The following SNX29 variants were observed in gnomAD, a reference collection of about 807,000 sequenced individuals.
SNX29 encodes sorting nexin-29.
A neutral mutation model predicts 102.1 loss-of-function variants in SNX29; 78 were observed. The observed-to-expected ratio is 0.76, with a 90% CI of 0.64 to 0.92. The LOEUF is 0.92. Among genes scored for constraint, SNX29 ranks in the 40% least tolerant of loss-of-function variants. The pLI is 0.00. For synonymous variants in SNX29, 580 were observed against 414.5 expected, an observed-to-expected ratio of 1.40 and a Z score of -4.85; for missense variants, 1,280 against 1,061.7, an observed-to-expected ratio of 1.21 and a Z score of -2.86.
Position 12,098,452 on chromosome 16 carries a change from C to T in SNX29, c.1402+19537C>T, listed in dbSNP as rs2052861730. ...GGGGTTGGGCATACTGGAGCTCCCA[C>T]TTGCAGTGGCCACCGCGTGCCCTTT... On this transcript the variant is annotated intron_variant, in intron 11 of 20. Transcript: ENST00000566228. This position sits in a 1 kb window ranked among gnomAD's most constrained non-coding sequence, Gnocchi z 6.0. Among the ~76,000 whole-genome samples, 1 of 152,212 alleles carries T rather than the reference C, an allele frequency of 6.6e-6. No individual in the cohort carries two copies. Among genetic ancestry groups the T allele is most frequent in the African/African-American group, 2.4e-5 (1 of 41,456 alleles).
chr16:12,178,825 T>A (rs1345236587), intron 13 of SNX29, among the ~76,000 whole-genome samples: 2 of 152,242 alleles, frequency 1.3e-5, no homozygotes, highest in African/African-American at 4.8e-5. Context: ...TTTGACTAGA[T>A]GACACATGGG....
chr16:12,423,129 A>G (rs1038714459), intron 18 of SNX29, among the ~76,000 whole-genome samples: 13 of 152,132 alleles, frequency 8.5e-5, no homozygotes, highest in Non-Finnish European at 1.2e-4. Context: ...GCACAATGCA[A>G]GTTCCAAAGA....
At chr16:12,108,808 T>C (rs537776618) in intron 11 of SNX29, among the ~76,000 whole-genome samples, 1 of 151,908 alleles carries the variant, frequency 6.6e-6, no homozygotes, top group South Asian at 2.1e-4. Context: ...CTGTTGCTTA[T>C]AACAGAGTAC....
intron 15 of SNX29, among the ~76,000 whole-genome samples, chr16:12,306,741 T>C (rs745739853): frequency 3.3e-5 from 5 of 152,364 alleles, no homozygotes; most frequent in African/African-American, 7.2e-5. Flanking sequence ...CCCAGCACTT[T>C]AGAAATTCTT....
At chr16:12,014,680 C>T (rs747139252) in intron 3 of SNX29, among the ~76,000 whole-genome samples, 22 of 143,544 alleles carry the variant, frequency 1.5e-4, no homozygotes, top group Non-Finnish European at 2.8e-4. Flanking sequence ...TGTGGTGAGC[C>T]GAGATCATGC....
At chr16:12,265,463 GAGCAGATT>G (rs2078899444) in intron 14 of SNX29, among the ~76,000 whole-genome samples, 1 of 152,096 alleles carries the variant, frequency 6.6e-6, no homozygotes, top group Admixed American at 6.5e-5. Flanking sequence ...CGAAACAGGT[GAGCAGATT>G]TCTTAGGAAA....
intron 15 of SNX29, among the ~76,000 whole-genome samples, chr16:12,319,204 T>C (rs2080849637): frequency 6.6e-6 from 1 of 152,194 alleles, no homozygotes; most frequent in South Asian, 2.1e-4. Flanking sequence ...AACCACTCAG[T>C]CAGTGCTGAC....
intron 15 of SNX29, among the ~76,000 whole-genome samples, chr16:12,304,541 T>A (rs1317175614): frequency 6.6e-6 from 1 of 152,244 alleles, no homozygotes; most frequent in Non-Finnish European, 1.5e-5. Context: ...TTTGTCCTTT[T>A]CTGGCCAGGG....
intron 20 of SNX29, chr16:12,546,496 G>C (rs754748267): frequency 2.0e-5 from 3 of 152,172 alleles, no homozygotes; most frequent in African/African-American, 2.4e-5. Flanking sequence ...GCACAGGAAA[G>C]ACTCGCCCCT....
intron 20 of SNX29, among the ~76,000 whole-genome samples, chr16:12,556,078 GAATT>G (rs1428054438): frequency 1.3e-4 from 20 of 152,076 alleles, no homozygotes; most frequent in African/African-American, 3.4e-4. Context: ...TAATCTTATA[GAATT>G]AATTTCTGCT....
At chr16:11,980,733 A>G (rs62037672) in intron 1 of SNX29, among the ~76,000 whole-genome samples, 11,654 of 152,152 alleles carry the variant, frequency 0.077, 563 homozygotes, top group Middle Eastern at 0.14. Flanking sequence ...TTTGATTTGC[A>G]TTTCCCTAGT....
intron 18 of SNX29, among the ~76,000 whole-genome samples, chr16:12,464,977 G>A (rs932620646): frequency 1.5e-4 from 23 of 152,260 alleles, no homozygotes; most frequent in Admixed American, 1.3e-3. Flanking sequence ...TTGTGGTTCC[G>A]ATTTACACTT....
rs2079174907 is a variant in SNX29, at chr16:12,570,950, C to CCAT, written c.*2323_*2325dup. 4.3e-6 allele frequency: 1 copy of CCAT among 231,808 alleles called. No individual in the cohort carries two copies. The highest frequency in any genetic ancestry group is 8.5e-6 in the Non-Finnish European group (1 of 117,258). The allele number at this position is 231,808 out of a possible 1,614,324, so 14.4% of individuals were successfully genotyped here. A position where few individuals can be genotyped will look rare whatever the true frequency, so the allele number is the denominator to read the frequency against. ...CATGTTCCTGGGAGCCACATGGGGACCATCCCCAGCTGCCTGCTCCTGGTA... is the reference window on the plus strand; with the variant it reads ...CATGTTCCTGGGAGCCACATGGGGACCATCATCCCCAGCTGCCTGCTCCTGGTA... On this transcript the variant is annotated 3_prime_UTR_variant, in exon 21 of 21. Transcript: ENST00000566228.
intron 18 of SNX29, among the ~76,000 whole-genome samples, chr16:12,444,441 G>A (rs1420289341): frequency 1.3e-5 from 2 of 152,208 alleles, no homozygotes; most frequent in East Asian, 3.9e-4. Context: ...GGTTCCCTGA[G>A]CCTGCAGCCT....
intron 15 of SNX29, among the ~76,000 whole-genome samples, chr16:12,335,508 C>T (rs1490117746): frequency 6.6e-6 from 1 of 152,228 alleles, no homozygotes; most frequent in Admixed American, 6.5e-5. Context: ...CACCCCATCT[C>T]TACAAAACAT....
intron 13 of SNX29, among the ~76,000 whole-genome samples, chr16:12,193,699 AT>A (rs989687081): frequency 6.6e-6 from 1 of 151,762 alleles, no homozygotes. Flanking sequence ...GTTGAAGTTT[AT>A]TTTTTTTGCA....
At chr16:12,389,998 C>T (rs2083467537) in intron 16 of SNX29, among the ~76,000 whole-genome samples, 1 of 152,168 alleles carries the variant, frequency 6.6e-6, no homozygotes, top group Non-Finnish European at 1.5e-5. Context: ...AAATTCATAA[C>T]TTAAGAATAG....
chr16:12,089,620 G>A (rs1321246533), intron 11 of SNX29: 1 of 184,558 alleles, frequency 5.4e-6, no homozygotes, highest in Non-Finnish European at 1.2e-5. Context: ...CTGTTTTGGT[G>A]GCGGGTGGTA....
chr16:12,533,249 C>G (rs775982375), intron 20 of SNX29, among the ~76,000 whole-genome samples: 5 of 152,250 alleles, frequency 3.3e-5, no homozygotes, highest in Non-Finnish European at 7.3e-5. Context: ...GCAGCTGATT[C>G]TCCTGTGGAG....
Sources: gnomAD v4.1 joint callset for allele counts (sites outside exome capture counted in the v4.1 genomes callset) on GRCh38, gnomAD v4.1.1 for gene constraint, Gnocchi (gnomAD v3.1) non-coding constraint, MANE v1.5 for transcripts, NCBI Gene and HGNC (gene_info 2026-07-23, HGNC 2026-07-21) for gene names.